PFKFB3: variants seen among roughly 807,000 people sequenced by gnomAD.
The protein encoded by PFKFB3 is 6-phosphofructo-2-kinase/fructose-2,6-bisphosphatase 3.
In PFKFB3, 33 loss-of-function variants were observed where a neutral mutation model predicts 68.0. That is an observed-to-expected ratio of 0.49 (90% CI 0.37 to 0.65). The LOEUF (loss-of-function observed/expected upper bound fraction) is 0.65. Ranked by LOEUF, PFKFB3 falls within the 30% of genes least tolerant of loss-of-function variation. PFKFB3 has a pLI of 0.00. For missense variants in PFKFB3, 586 were observed against 712.2 expected, an observed-to-expected ratio of 0.82 and a Z score of 2.02; for synonymous variants, 315 against 288.2, an observed-to-expected ratio of 1.09 and a Z score of -0.94.
At chr10:6,268,208 T>C in the PFKFB3 span, among the ~76,000 whole-genome samples, 15 of 152,300 alleles carry the variant, frequency 9.8e-5, no homozygotes, top group East Asian at 2.5e-3. Context: ...AGTTACTCTG[T>C]ATCCCAGTAA....
At chr10:6,248,948 C>T (rs530301182) in intron 14 of PFKFB3, among the ~76,000 whole-genome samples, 1 of 151,906 alleles carries the variant, frequency 6.6e-6, no homozygotes, top group Admixed American at 6.6e-5. Flanking sequence ...CCAAGGCAGG[C>T]GGATCACCTG....
chr10:6,178,416 C>T (rs751068902), intron 1 of PFKFB3, among the ~76,000 whole-genome samples: 2 of 152,268 alleles, frequency 1.3e-5, no homozygotes, highest in East Asian at 1.9e-4. Flanking sequence ...GTAGGACATG[C>T]GGCTGATATG....
chr10:6,300,646 G>A, the PFKFB3 span, among the ~76,000 whole-genome samples: 5,661 of 152,260 alleles, frequency 0.037, 316 homozygotes, highest in African/African-American at 0.13. Flanking sequence ...GTGTCTCAAA[G>A]CACCTTTTCA....
intron 14 of PFKFB3, among the ~76,000 whole-genome samples, chr10:6,243,604 C>T (rs1846189244): frequency 6.6e-6 from 1 of 152,238 alleles, no homozygotes; most frequent in African/African-American, 2.4e-5. Context: ...GGCCTGTTCT[C>T]TTTCCCTAAT....
chr10:6,228,490 G>A lies in PFKFB3; in HGVS notation c.1515+2125G>A, dbSNP rs1284968974. Among the ~76,000 whole-genome samples, 2 of 152,062 alleles carry A rather than the reference G, an allele frequency of 1.3e-5. No homozygotes were observed. The highest frequency in any genetic ancestry group is 2.9e-5 in the Non-Finnish European group (2 of 68,018). On this transcript the variant is annotated intron_variant, in intron 14 of 14. Transcript: ENST00000379775. This position sits in a 1 kb window ranked among gnomAD's most constrained non-coding sequence, Gnocchi z 4.5. Reference sequence around the variant, plus strand: ...GCTTCTCCCCTACCCTCTCAGGGCTGCAGGTCGTGGTGTGTAATGGCCGTG... The same window carrying A: ...GCTTCTCCCCTACCCTCTCAGGGCTACAGGTCGTGGTGTGTAATGGCCGTG...
intron 14 of PFKFB3, among the ~76,000 whole-genome samples, chr10:6,252,287 T>C (rs74770813): frequency 5.1e-4 from 77 of 152,366 alleles, no homozygotes; most frequent in African/African-American, 1.8e-3. Flanking sequence ...TGGTAATAGA[T>C]ACCCAGAACT....
chr10:6,147,236 T>A (rs75708615), intron 1 of PFKFB3, among the ~76,000 whole-genome samples: 236 of 152,340 alleles, frequency 1.5e-3, no homozygotes, highest in Non-Finnish European at 2.9e-3. Context: ...GCAGCTACTC[T>A]TCTGTATTTT....
chr10:6,317,051 A>C, the PFKFB3 span, among the ~76,000 whole-genome samples: 7,675 of 152,272 alleles, frequency 0.05, 262 homozygotes, highest in Middle Eastern at 0.075. Flanking sequence ...AGAAAAAAAC[A>C]ACCATACATG....
chr10:6,166,685 G>T lies in PFKFB3; in HGVS notation c.16+21672G>T, dbSNP rs1002856811. On this transcript the variant is annotated intron_variant, in intron 1 of 14. Transcript: ENST00000379789. ...CGGATCTTGAGTAGCACCTGTTTCG[G>T]CCCATTGCCCCTTTAACAAGGGGCC... Among the ~76,000 whole-genome samples the T allele has an allele frequency of 5.3e-5, 8 of 152,118 alleles. 1 individual carries two copies. The highest frequency in any genetic ancestry group is 1.9e-4 in the African/African-American group (8 of 41,412).
chr10:6,238,972 A>G (rs1479685529), downstream of PFKFB3, among the ~76,000 whole-genome samples: 2 of 152,108 alleles, frequency 1.3e-5, no homozygotes, highest in East Asian at 3.8e-4. Flanking sequence ...TCTATCATTG[A>G]TGGGCATTTG....
rs199705255 is a variant in PFKFB3 at position 6,221,522 on chromosome 10, G to A, written c.973G>A (p.Asp325Asn). 1.1e-4 allele frequency: 175 copies of A among 1,613,016 alleles called. 1 individual carries two copies. The highest frequency in any genetic ancestry group is 1.3e-4 in the Non-Finnish European group (158 of 1,179,976). Residue 325 changes from aspartate (D) to asparagine (N), a missense_variant, in exon 9 of 15, where the codon GAC becomes AAC. Coordinates refer to ENST00000379775, the MANE Select transcript of PFKFB3 (RefSeq NM_004566.4). ...GCAGTGGAAGGCGCTCAATGAGATCGACGCGGTGAGTCCTGGGAGGCGGGC... is the reference window on the plus strand; with the variant it reads ...GCAGTGGAAGGCGCTCAATGAGATCAACGCGGTGAGTCCTGGGAGGCGGGC... ...YEQWKALNEI[D>N]AGVCEELTYE... is the part of the protein sequence containing the mutation.
intron 1 of PFKFB3, among the ~76,000 whole-genome samples, chr10:6,209,233 C>T (rs1036379330): frequency 1.3e-5 from 2 of 152,278 alleles, no homozygotes; most frequent in South Asian, 2.1e-4. Flanking sequence ...AGATTCAATT[C>T]GGGTGTTTAG....
chr10:6,326,468 G>A, the PFKFB3 span: 3 of 435,564 alleles, frequency 6.9e-6, no homozygotes, highest in African/African-American at 4.1e-5. Flanking sequence ...AAGAATGAAC[G>A]TGGTCTATAA....
At chr10:6,178,658 C>T (rs1033685729) in intron 1 of PFKFB3, among the ~76,000 whole-genome samples, 9 of 152,262 alleles carry the variant, frequency 5.9e-5, no homozygotes, top group African/African-American at 2.2e-4. Flanking sequence ...AGCAGCTGGG[C>T]GTTATTTTCC....
At chr10:6,199,782 C>T (rs888000349), upstream of PFKFB3, among the ~76,000 whole-genome samples, 5 of 144,746 alleles carry the variant, frequency 3.5e-5, no homozygotes, top group African/African-American at 1.0e-4. Context: ...ATTACAGGTG[C>T]GAACCACTGC....
chr10:6,182,914 T>C (rs1047768883), intron 1 of PFKFB3, among the ~76,000 whole-genome samples: 6 of 151,964 alleles, frequency 3.9e-5, no homozygotes, highest in African/African-American at 9.7e-5. Flanking sequence ...TCACAGAGGG[T>C]CAGCTGGAAG....
rs866007075 is a variant in PFKFB3 at position 6,206,490 on chromosome 10, G to T, written c.76+3154G>T. Among the ~76,000 whole-genome samples the T allele has an allele frequency of 1.1e-3, 113 of 100,748 alleles. 4 individuals are homozygous for T. Among genetic ancestry groups the T allele is most frequent in the African/African-American group, 5.3e-3 (103 of 19,432 alleles). The allele number at this position is 100,748 out of a possible 152,430, so 66.1% of individuals were successfully genotyped here. ...GGGTACACCTCCCAGACGGGGTGGT[G>T]GCCGGGCAGAGGGGCTCCTCACTTC... On this transcript the variant is annotated intron_variant, in intron 1 of 14. Transcript: ENST00000379775.
chr10:6,178,149 G>A lies in PFKFB3; in HGVS notation c.16+33136G>A, dbSNP rs532838526. Among the ~76,000 whole-genome samples, 26 of 152,312 alleles carry A rather than the reference G, an allele frequency of 1.7e-4. No homozygotes were observed. The South Asian group carries it at 3.7e-3, about 22-fold the overall frequency. On this transcript the variant is annotated intron_variant, in intron 1 of 14. Coordinates refer to the PFKFB3 transcript ENST00000379789. ...CAGGACCTTTGGGAATCTGAAGCCC[G>A]GTGACCTTGGGCTGTGGGGAGCTGG... is the stretch of plus-strand genomic sequence containing the variant.
chr10:6,192,582 C>T (rs1373058667), intron 1 of PFKFB3, among the ~76,000 whole-genome samples: 3 of 151,914 alleles, frequency 2.0e-5, no homozygotes, highest in East Asian at 1.9e-4. Context: ...CCCAGCAGAA[C>T]GTGATCTGGG....
Sources: allele counts gnomAD v4.1 joint callset (sites outside exome capture counted in the v4.1 genomes callset), GRCh38; gene constraint gnomAD v4.1.1; non-coding constraint Gnocchi (gnomAD v3.1); transcripts MANE v1.5; gene names NCBI Gene and HGNC (gene_info 2026-07-23, HGNC 2026-07-21).